The following XPO1 variants were observed in gnomAD, a reference collection of about 807,000 sequenced individuals.
The protein encoded by XPO1 is exportin 1, also known as exportin-1.
XPO1 carries 5 observed loss-of-function variants against 133.3 expected under a neutral mutation model. The observed-to-expected ratio is 0.04, with a 90% confidence interval of 0.02 to 0.08. XPO1 has a LOEUF of 0.08. Among genes scored for constraint, XPO1 ranks in the 10% least tolerant of loss-of-function variants. XPO1 has a pLI of 1.00. For missense variants in XPO1, 506 were observed against 1,267.5 expected (o/e 0.40, Z 9.12); for synonymous variants, 419 against 408.2 (o/e 1.03, Z -0.32).
chr2:61,487,737 G>A (rs554270396), intron 19 of XPO1, among the ~76,000 whole-genome samples: 17 of 152,224 alleles, frequency 1.1e-4, no homozygotes, highest in African/African-American at 3.9e-4. Context: ...AAATCATTTA[G>A]GAAAAAGGGT....
intron 3 of XPO1, among the ~76,000 whole-genome samples, chr2:61,525,028 T>C (rs1698857001): frequency 6.6e-6 from 1 of 152,126 alleles, no homozygotes; most frequent in African/African-American, 2.4e-5. Context: ...TGAAGAATTA[T>C]ACTTTTGCCT....
chr2:61,500,174 GATAGAT>G (rs1697431922), intron 6 of XPO1, among the ~76,000 whole-genome samples: 1 of 152,118 alleles, frequency 6.6e-6, no homozygotes, highest in African/African-American at 2.4e-5. Context: ...GTATCTGCCT[GATAGAT>G]ATGTAGAAAT....
At chr2:61,500,034 A>C in intron 6 of XPO1, 140 bp from the exon 7 acceptor site, 3 of 844,234 alleles carry the variant, frequency 3.6e-6, no homozygotes, top group Non-Finnish European at 3.6e-6. Flanking sequence ...TAAAGGAAGA[A>C]ATGTGCCACC....
At chr2:61,496,340 T>C (rs1000401835) in intron 10 of XPO1, among the ~76,000 whole-genome samples, 1 of 152,082 alleles carries the variant, frequency 6.6e-6, no homozygotes, top group East Asian at 1.9e-4. Flanking sequence ...GCCTCCAGAG[T>C]AGCTGGAACT....
At chr2:61,513,953 G>C (rs1271984157) in intron 4 of XPO1, among the ~76,000 whole-genome samples, 4 of 152,208 alleles carry the variant, frequency 2.6e-5, no homozygotes, top group African/African-American at 9.6e-5. Flanking sequence ...GGGAGGCTGA[G>C]GCAGGTGGAT....
chr2:61,498,961 T>A (rs2104496080), intron 7 of XPO1, 48 bp from the exon 8 acceptor site: 1 of 1,517,312 alleles, frequency 6.6e-7, no homozygotes. Flanking sequence ...GACACAGAAA[T>A]AAGTATCAGT....
intron 4 of XPO1, among the ~76,000 whole-genome samples, chr2:61,517,765 A>T (rs994911869): frequency 6.6e-6 from 1 of 151,896 alleles, no homozygotes; most frequent in East Asian, 1.9e-4. Context: ...GTGAGACTCT[A>T]TCTCTAAAAA....
At chr2:61,514,593 T>TA (rs562982187) in intron 4 of XPO1, among the ~76,000 whole-genome samples, 23,949 of 125,718 alleles carry the variant, frequency 0.19, 2,516 homozygotes, top group African/African-American at 0.3. Flanking sequence ...ACTCTGTCTT[T>TA]AAAAAAAAAA....
chr2:61,485,473 A>AACCCCCCCCCCCCCCC (rs1553402570), intron 20 of XPO1: 1 of 103,552 alleles, frequency 9.7e-6, no homozygotes, highest in Non-Finnish European at 2.0e-5. Context: ...GGCTCAAGTG[A>AACCCCCCCCCCCCCCC]CCCCCCCCCC....
At chr2:61,481,440 G>GT (rs35101636) in intron 23 of XPO1, among the ~76,000 whole-genome samples, 159 bp from the exon 24 acceptor site, 9,175 of 143,430 alleles carry the variant, frequency 0.064, 486 homozygotes, top group South Asian at 0.24. Flanking sequence ...TCCCAATAAT[G>GT]TTTTTTTTTT....
At chr2:61,510,419 C>T (rs1698032642) in intron 4 of XPO1, among the ~76,000 whole-genome samples, 1 of 152,060 alleles carries the variant, frequency 6.6e-6, no homozygotes, top group South Asian at 2.1e-4. Flanking sequence ...AGAACAATGC[C>T]ACATGGAAGA....
chr2:61,523,134 T>TA, intron 3 of XPO1, among the ~76,000 whole-genome samples: 1 of 152,338 alleles, frequency 6.6e-6, no homozygotes, highest in South Asian at 2.1e-4. Flanking sequence ...GGCCAAATAT[T>TA]AAAGTATTGT....
At chr2:61,490,839 C>T (rs796277182) in intron 16 of XPO1, 63 bp from the exon 17 acceptor site, 2 of 1,570,722 alleles carry the variant, frequency 1.3e-6, no homozygotes, top group African/African-American at 2.7e-5. Flanking sequence ...AAACCACACA[C>T]AAGCAATTCA....
chr2:61,537,073 CAG>C (rs1699386124), intron 1 of XPO1: 1 of 152,194 alleles, frequency 6.6e-6, no homozygotes, highest in South Asian at 2.1e-4. Flanking sequence ...GCTGGAGGAA[CAG>C]GGAGTCGGCA....
rs1409408131 is a variant in XPO1 at position 61,530,345 on chromosome 2, TTACA to T, written c.126+3423_126+3426del. Among the ~76,000 whole-genome samples, 29 of 152,300 alleles carry T rather than the reference TTACA, an allele frequency of 1.9e-4. No individual in the cohort carries two copies. The East Asian group carries it at 5.2e-3, about 27-fold the overall frequency. On this transcript the variant is annotated intron_variant, in intron 2 of 24. Transcript: ENST00000401558. Reference sequence around the variant, plus strand: ...CTGATTTATTCTAATCCCACCATTCTTACATAATGTTCTTTATAAACTTAAAACC... The same window carrying T: ...CTGATTTATTCTAATCCCACCATTCTTAATGTTCTTTATAAACTTAAAACC...
At position 61,482,617 on chromosome 2, in the gene XPO1, T is replaced by TTG. The variant is rs1558627015; in HGVS notation, c.2813-79_2813-78insCA. On this transcript the variant is annotated intron_variant, in intron 22 of 24. Coordinates refer to ENST00000401558, the MANE Select transcript of XPO1 (RefSeq NM_003400.4). Reference sequence around the variant, plus strand: ...TTAGCGTTTTTTTTTGTTTTGTTTTTTTTTTTTAGACGGAGTCTCGCTCTG... The same window carrying TTG: ...TTAGCGTTTTTTTTTGTTTTGTTTTTTGTTTTTTTAGACGGAGTCTCGCTCTG... The TTG allele has an allele frequency of 3.0e-6, 4 of 1,321,660 alleles. No individual in the cohort carries two copies. In the African/African-American group the frequency reaches 4.6e-5, roughly 15 times the overall value. 81.9% of individuals were successfully genotyped at this position (1,321,660 alleles called of 1,614,324 possible).
In XPO1 at chr2:61,492,533, T is replaced by C; in HGVS notation, c.1566+34A>G. 1.3e-6 allele frequency: 2 copies of C among 1,595,620 alleles called. No homozygotes were observed. Among genetic ancestry groups the C allele is most frequent in the Non-Finnish European group, 1.7e-6 (2 of 1,173,534 alleles). On this transcript the variant is annotated intron_variant, in intron 14 of 24. Coordinates refer to ENST00000401558, the MANE Select transcript of XPO1 (RefSeq NM_003400.4). This position sits in a 1 kb window ranked among gnomAD's most constrained non-coding sequence, Gnocchi z 5.6. ...TTATTGTAACAACATAATACTTATTTAGCAATTCTAATTCATACCTATCCC... is the reference window on the plus strand; with the variant it reads ...TTATTGTAACAACATAATACTTATTCAGCAATTCTAATTCATACCTATCCC...
At chr2:61,520,654 G>T (rs1371262965) in intron 4 of XPO1, among the ~76,000 whole-genome samples, 1 of 152,094 alleles carries the variant, frequency 6.6e-6, no homozygotes, top group East Asian at 1.9e-4. Flanking sequence ...CAACAAAGAA[G>T]AAAGAAAGAA....
chr2:61,502,069 G>A (rs777645789), intron 5 of XPO1, 29 bp from the exon 6 acceptor site: 3 of 1,579,238 alleles, frequency 1.9e-6, no homozygotes, highest in Middle Eastern at 1.7e-4. Context: ...TTAAATGAGA[G>A]CCTGAGGTAA....
Sources: allele counts gnomAD v4.1 joint callset (sites outside exome capture counted in the v4.1 genomes callset), GRCh38; gene constraint gnomAD v4.1.1; non-coding constraint Gnocchi (gnomAD v3.1); transcripts MANE v1.5; gene names NCBI Gene and HGNC (gene_info 2026-07-23, HGNC 2026-07-21).